Variants in SOX6 observed in about 807,000 individuals in gnomAD.
SOX6 encodes the protein SRY-box transcription factor 6.
SOX6 carries 11 observed loss-of-function variants against 97.8 expected under a neutral mutation model. The ratio of observed to expected loss-of-function variants is 0.11; its 90% CI spans 0.07 to 0.19. The LOEUF (loss-of-function observed/expected upper bound fraction) is 0.19, where lower values mean the gene tolerates loss of function less well. SOX6 is among the 10% of genes least tolerant of loss of function. The pLI, the probability that SOX6 is intolerant of heterozygous loss-of-function variation, is 1.00. For missense variants in SOX6, 810 were observed against 1,039.5 expected (o/e 0.78, Z 3.04); for synonymous variants, 360 against 371.4 (o/e 0.97, Z 0.35).
At chr11:16,588,288 C>T (rs140228267) in intron 4 of SOX6, among the ~76,000 whole-genome samples, 14 of 152,262 alleles carry the variant, frequency 9.2e-5, no homozygotes, top group African/African-American at 1.4e-4. Flanking sequence ...TCAAACTTCC[C>T]AATCACCAAC....
At chr11:16,692,059 G>T (rs1426904719) in intron 3 of SOX6, among the ~76,000 whole-genome samples, 2 of 120,634 alleles carry the variant, frequency 1.7e-5, no homozygotes, top group Admixed American at 8.3e-5. Context: ...GCGTGTGCGT[G>T]TGTGTGTGTG....
chr11:16,515,608 A>G (rs952092875), intron 4 of SOX6, among the ~76,000 whole-genome samples: 1 of 98,016 alleles, frequency 1.0e-5, no homozygotes, highest in African/African-American at 3.8e-5. Flanking sequence ...TGTTTTAGAC[A>G]TGAAGTCCTT....
intron 9 of SOX6, among the ~76,000 whole-genome samples, chr11:16,065,722 C>T (rs1848078996): frequency 6.6e-6 from 1 of 152,102 alleles, no homozygotes; most frequent in South Asian, 2.1e-4. Context: ...AAGAATGAAA[C>T]TAGACCCCAT....
intron 1 of SOX6, among the ~76,000 whole-genome samples, chr11:16,442,638 C>A (rs1859525204): frequency 6.6e-6 from 1 of 152,010 alleles, no homozygotes; most frequent in Admixed American, 6.6e-5. Context: ...GTTGCTTTAG[C>A]AAATTATTGG....
At chr11:16,183,778 T>C (rs1252023026) in intron 6 of SOX6, 108 bp downstream of exon 6, 2 of 928,832 alleles carry the variant, frequency 2.2e-6, no homozygotes, top group African/African-American at 3.3e-5. Context: ...AAAACAGCCT[T>C]ATTGGTGCTG....
At chr11:16,283,014 T>C (rs967778997) in intron 3 of SOX6, among the ~76,000 whole-genome samples, 55 of 28,118 alleles carry the variant, frequency 2.0e-3, no homozygotes, top group African/African-American at 4.0e-3. Flanking sequence ...CCCTATGAGA[T>C]GTGAGTATAT....
chr11:16,197,197 G>A (rs1851804874), intron 4 of SOX6, among the ~76,000 whole-genome samples: 1 of 152,014 alleles, frequency 6.6e-6, no homozygotes, highest in African/African-American at 2.4e-5. Flanking sequence ...GGTCTGTCAT[G>A]AAACACATCC....
At chr11:16,438,013 T>C (rs10832606) in intron 1 of SOX6, among the ~76,000 whole-genome samples, 42,080 of 151,868 alleles carry the variant, frequency 0.28, 6,146 homozygotes, top group East Asian at 0.52. Flanking sequence ...GTATAATGAG[T>C]AAATTTGATG....
intron 4 of SOX6, among the ~76,000 whole-genome samples, chr11:16,570,799 C>T (rs1847930558): frequency 1.3e-5 from 2 of 152,080 alleles, no homozygotes; most frequent in African/African-American, 4.8e-5. Flanking sequence ...TTGCTTTTAG[C>T]CAGCTAATTA....
intron 3 of SOX6, among the ~76,000 whole-genome samples, chr11:16,712,417 T>G (rs1432745356): frequency 6.6e-6 from 1 of 152,214 alleles, no homozygotes; most frequent in Non-Finnish European, 1.5e-5. Context: ...ATCTATTTTT[T>G]TTTTATTTTT....
intron 3 of SOX6, among the ~76,000 whole-genome samples, chr11:16,254,261 CA>C (rs923904826): frequency 6.6e-6 from 1 of 151,798 alleles, no homozygotes; most frequent in Non-Finnish European, 1.5e-5. Context: ...GATGTGCATA[CA>C]AAAAGGAAGA....
At chr11:16,682,931 CT>C (rs1252259249) in intron 3 of SOX6, among the ~76,000 whole-genome samples, 18 of 152,100 alleles carry the variant, frequency 1.2e-4, no homozygotes, top group Non-Finnish European at 1.5e-5. Context: ...ACAAGCATTC[CT>C]ATACACCAAT....
intron 6 of SOX6, among the ~76,000 whole-genome samples, chr11:16,126,037 A>C (rs1849603941): frequency 6.6e-6 from 1 of 152,130 alleles, no homozygotes; most frequent in Admixed American, 6.6e-5. Context: ...ACATATATTT[A>C]ACATTAGGTC....
At chr11:16,569,726 G>A (rs951409478) in intron 4 of SOX6, among the ~76,000 whole-genome samples, 8 of 151,610 alleles carry the variant, frequency 5.3e-5, no homozygotes, top group Non-Finnish European at 1.0e-4. Flanking sequence ...AAAATTAGCC[G>A]GGCGTGGTGG....
intron 4 of SOX6, among the ~76,000 whole-genome samples, chr11:16,548,044 A>G (rs1847641154): frequency 6.6e-6 from 1 of 152,206 alleles, no homozygotes; most frequent in South Asian, 2.1e-4. Flanking sequence ...ATTAAACAAT[A>G]CATATAAAGG....
chr11:16,498,674 A>C (rs886317607), intron 4 of SOX6, among the ~76,000 whole-genome samples: 6 of 152,326 alleles, frequency 3.9e-5, no homozygotes, highest in Non-Finnish European at 5.9e-5. Flanking sequence ...CTCTGATAAA[A>C]CAGACTTTAA....
chr11:16,137,839 T>A (rs1272860287), intron 6 of SOX6, among the ~76,000 whole-genome samples: 3 of 152,070 alleles, frequency 2.0e-5, no homozygotes, highest in Non-Finnish European at 4.4e-5. Context: ...TCTCAGGAGA[T>A]CTGATGGTTT....
chr11:16,186,041 AT>A (rs1851464803), intron 5 of SOX6, among the ~76,000 whole-genome samples: 1 of 152,170 alleles, frequency 6.6e-6, no homozygotes, highest in Non-Finnish European at 1.5e-5. Context: ...TCATTGTTAG[AT>A]TAATGTACTC....
chr11:16,619,779 G>A (rs1848517805), intron 3 of SOX6, among the ~76,000 whole-genome samples: 1 of 151,898 alleles, frequency 6.6e-6, no homozygotes, highest in South Asian at 2.1e-4. Flanking sequence ...CATTTAACAT[G>A]AAAAAATGCA....
Sources: gnomAD v4.1 joint callset for allele counts (sites outside exome capture counted in the v4.1 genomes callset) on GRCh38, gnomAD v4.1.1 for gene constraint, MANE v1.5 for transcripts, NCBI Gene and HGNC (gene_info 2026-07-23, HGNC 2026-07-21) for gene names.